The following SUFU variants were observed in gnomAD, a reference collection of about 807,000 sequenced individuals.
The protein encoded by SUFU is SUFU negative regulator of hedgehog signaling.
In SUFU, 7 loss-of-function variants were observed where a neutral mutation model predicts 58.9. The observed-to-expected ratio is 0.12, with a 90% CI of 0.07 to 0.22. The LOEUF is 0.22. SUFU is among the 10% of genes least tolerant of loss of function. The probability of loss-of-function intolerance (pLI) is 1.00; values close to 1 mark genes in which losing one functional copy is unlikely to be tolerated. For synonymous variants in SUFU, 232 were observed against 254.8 expected (o/e 0.91, Z 0.85); for missense variants, 451 against 641.3 (o/e 0.70, Z 3.20).
chr10:102,624,975 C>T (rs574522197), intron 10 of SUFU, among the ~76,000 whole-genome samples: 9 of 152,314 alleles, frequency 5.9e-5, no homozygotes, highest in Non-Finnish European at 1.3e-4. Context: ...TAGCCCAGCC[C>T]GGCCCAGACT....
chr10:102,629,756 C>T lies in SUFU; in HGVS notation c.1366-310C>T, dbSNP rs2063820443. ...AGGGCCTCAGGGAGCAGATTCTTTA[C>T]ATGCCTGTGGCCAGAGGCAGAACCA... On this transcript the variant is annotated intron_variant, in intron 11 of 11. Transcript: ENST00000369902. This position sits in a 1 kb window ranked among gnomAD's most constrained non-coding sequence, Gnocchi z 4.7. Among the ~76,000 whole-genome samples the T allele has an allele frequency of 1.3e-5, 2 of 152,206 alleles. No individual in the cohort carries two copies. The highest frequency in any genetic ancestry group is 2.9e-5 in the Non-Finnish European group (2 of 68,032).
rs17114810 is a variant in SUFU at position 102,631,788 on chromosome 10, C to T, written c.*1633C>T. On this transcript the variant is annotated 3_prime_UTR_variant, in exon 12 of 12. Transcript: ENST00000369902. ...CTAGGCCTGGCCTCCTCTACACATC[C>T]CCAGGGCTATCTGGTTAATTCCATC... is the stretch of plus-strand genomic sequence containing the variant. 35,199 of 233,244 alleles carry T rather than the reference C, an allele frequency of 0.15. 3,901 individuals carry two copies. The highest frequency in any genetic ancestry group is 0.45 in the East Asian group (7,519 of 16,584). 14.4% of individuals were successfully genotyped at this position (233,244 alleles called of 1,614,324 possible).
In SUFU at chr10:102,615,286, G is replaced by A. The variant is rs146192354; in HGVS notation, c.1041G>A (p.Leu347=). 1 of 1,614,154 alleles carries A rather than the reference G, an allele frequency of 6.2e-7. No individual in the cohort carries two copies. Among genetic ancestry groups the A allele is most frequent in the Middle Eastern group, 1.6e-4 (1 of 6,062 alleles). ...TTCACAGGAGCCGCAAAGACAGCCT[G>A]GAAAGTGACAGCTCCACGGCCATCA... is the stretch of plus-strand genomic sequence containing the variant. ...HDRAPSRKDS[L]ESDSSTAIIP... Residue 347 remains leucine, a synonymous_variant, in exon 9 of 12, where the codon CTG becomes CTA. Transcript: ENST00000369902.
At chr10:102,538,636 C>T (rs1315070829) in intron 2 of SUFU, among the ~76,000 whole-genome samples, 1 of 152,016 alleles carries the variant, frequency 6.6e-6, no homozygotes, top group Non-Finnish European at 1.5e-5. Flanking sequence ...TGCATGCACA[C>T]ACACACATGT....
chr10:102,509,753 A>G (rs1202466644), intron 2 of SUFU, among the ~76,000 whole-genome samples: 9 of 152,308 alleles, frequency 5.9e-5, no homozygotes, highest in Non-Finnish European at 8.8e-5. Flanking sequence ...AAATCTGTTC[A>G]TCTCTTATCC....
chr10:102,598,869 T>A (rs1353434641), intron 7 of SUFU, among the ~76,000 whole-genome samples: 3 of 152,204 alleles, frequency 2.0e-5, no homozygotes, highest in Non-Finnish European at 4.4e-5. Flanking sequence ...AGGGAACTCT[T>A]TCACTTCCTG....
intron 3 of SUFU, among the ~76,000 whole-genome samples, chr10:102,577,080 C>T (rs371255388): frequency 3.4e-4 from 33 of 97,040 alleles, no homozygotes; most frequent in Admixed American, 4.6e-4. Flanking sequence ...TGGATTTTTT[C>T]TTTTCTTTTT....
At chr10:102,577,242 C>T (rs2063222230) in intron 3 of SUFU, among the ~76,000 whole-genome samples, 1 of 151,970 alleles carries the variant, frequency 6.6e-6, no homozygotes, top group Non-Finnish European at 1.5e-5. Flanking sequence ...CACTAACACG[C>T]CAAGCTAATT....
chr10:102,567,407 A>G (rs7906115), intron 3 of SUFU, among the ~76,000 whole-genome samples: 68,888 of 151,926 alleles, frequency 0.45, 16,021 homozygotes, highest in East Asian at 0.68. Flanking sequence ...CCCGTAAGCC[A>G]TACACAGTAC....
intron 3 of SUFU, among the ~76,000 whole-genome samples, chr10:102,568,942 A>C (rs1412914505): frequency 2.6e-5 from 2 of 75,744 alleles, no homozygotes; most frequent in Non-Finnish European, 5.3e-5. Flanking sequence ...ATATATATAT[A>C]TATATATATA....
intron 10 of SUFU, among the ~76,000 whole-genome samples, chr10:102,626,749 CCTT>C (rs1447548554): frequency 1.3e-5 from 2 of 152,298 alleles, no homozygotes; most frequent in South Asian, 2.1e-4. Flanking sequence ...TTCCTTTTGT[CCTT>C]CTACGGTGAG....
intron 8 of SUFU, among the ~76,000 whole-genome samples, chr10:102,612,764 C>T (rs1031821682): frequency 3.9e-5 from 6 of 152,200 alleles, no homozygotes; most frequent in Non-Finnish European, 8.8e-5. Flanking sequence ...GAGTCACCCC[C>T]TGGTCCTTTC....
At chr10:102,593,786 C>T (rs1297898404) in intron 5 of SUFU, 65 bp downstream of exon 5, 3 of 1,527,038 alleles carry the variant, frequency 2.0e-6, no homozygotes, top group African/African-American at 1.4e-5. Flanking sequence ...CCTCCACTAC[C>T]CTCCATGTGG....
intron 1 of SUFU, among the ~76,000 whole-genome samples, 165 bp downstream of exon 1, chr10:102,504,499 A>G (rs2062297538): frequency 6.6e-6 from 1 of 151,844 alleles, no homozygotes; most frequent in African/African-American, 2.4e-5. Context: ...CAAGTTGGGA[A>G]TGGGGACAAA....
chr10:102,586,988 T>C (rs1005454251), intron 3 of SUFU, among the ~76,000 whole-genome samples: 1 of 152,246 alleles, frequency 6.6e-6, no homozygotes, highest in Non-Finnish European at 1.5e-5. Context: ...TTATTTCACT[T>C]AACATAATAT....
chr10:102,599,303 G>A (rs183459254), intron 7 of SUFU, 130 bp from the exon 8 acceptor site: 36 of 764,746 alleles, frequency 4.7e-5, no homozygotes, highest in African/African-American at 2.9e-4. Flanking sequence ...ATCTGGATGC[G>A]TAGAGTGGGC....
At chr10:102,519,741 AATG>A (rs963750298) in intron 2 of SUFU, among the ~76,000 whole-genome samples, 2 of 152,004 alleles carry the variant, frequency 1.3e-5, no homozygotes, top group Non-Finnish European at 2.9e-5. Flanking sequence ...AAATTCCTTT[AATG>A]ATTTATTTTT....
intron 2 of SUFU, among the ~76,000 whole-genome samples, chr10:102,516,815 G>A (rs113394104): frequency 3.3e-5 from 5 of 152,048 alleles, no homozygotes; most frequent in African/African-American, 1.2e-4. Context: ...CTCTGTACTG[G>A]CCTAAACTCA....
intron 1 of SUFU, among the ~76,000 whole-genome samples, chr10:102,508,922 G>A (rs1412282240): frequency 6.6e-6 from 1 of 152,202 alleles, no homozygotes; most frequent in African/African-American, 2.4e-5. Context: ...CATCCAGTCT[G>A]TTTTATTTCT....
Sources: allele counts gnomAD v4.1 joint callset (sites outside exome capture counted in the v4.1 genomes callset), GRCh38; gene constraint gnomAD v4.1.1; non-coding constraint Gnocchi (gnomAD v3.1); transcripts MANE v1.5; gene names NCBI Gene and HGNC (gene_info 2026-07-23, HGNC 2026-07-21).